Variants in NDUFAF6 observed in about 807,000 individuals in gnomAD.
The protein encoded by NDUFAF6 is NADH dehydrogenase (ubiquinone) complex I, assembly factor 6.
Under a neutral mutation model 40.8 loss-of-function variants are expected in NDUFAF6, and 45 were observed. The ratio of observed to expected loss-of-function variants is 1.10; its 90% confidence interval spans 0.87 to 1.42. The LOEUF is 1.42. Ranked by LOEUF, NDUFAF6 falls within the 40% of genes most tolerant of loss-of-function variation. The pLI is 0.00. For missense variants in NDUFAF6, 435 were observed against 418.5 expected, an observed-to-expected ratio of 1.04 and a Z score of -0.34; for synonymous variants, 185 against 155.9, an observed-to-expected ratio of 1.19 and a Z score of -1.39.
intron 2 of NDUFAF6, among the ~76,000 whole-genome samples, chr8:95,003,564 C>T (rs75555706): frequency 0.025 from 3,823 of 152,292 alleles, 180 homozygotes; most frequent in African/African-American, 0.084. Context: ...GGGCTGGTCA[C>T]AACAGAGACT....
intron 2 of NDUFAF6, among the ~76,000 whole-genome samples, chr8:95,089,052 G>A (rs117684233): frequency 0.14 from 21,863 of 151,708 alleles, 1,847 homozygotes; most frequent in Non-Finnish European, 0.2. Flanking sequence ...ATGAGCCACC[G>A]CGCCCAGCCT....
intron 2 of NDUFAF6, among the ~76,000 whole-genome samples, chr8:95,017,545 T>G (rs1333626058): frequency 6.6e-6 from 1 of 152,070 alleles, no homozygotes; most frequent in Non-Finnish European, 1.5e-5. Context: ...AAATGTATTT[T>G]GCCATAAATT....
intron 1 of NDUFAF6, among the ~76,000 whole-genome samples, chr8:94,917,202 A>G (rs1348127103): frequency 6.6e-6 from 1 of 152,102 alleles, no homozygotes; most frequent in Non-Finnish European, 1.5e-5. Flanking sequence ...AGAAGGTTCT[A>G]TAATAAAAAG....
In NDUFAF6 at chr8:95,024,994, C is replaced by G; in HGVS notation, c.-15C>G. 1 of 1,321,138 alleles carries G rather than the reference C, an allele frequency of 7.6e-7. No individual in the cohort carries two copies. Among genetic ancestry groups the G allele is most frequent in the Non-Finnish European group, 9.6e-7 (1 of 1,042,082 alleles). The allele number at this position is 1,321,138 out of a possible 1,614,324, so 81.8% of individuals were successfully genotyped here. A position where few individuals can be genotyped will look rare whatever the true frequency, so the allele number is the denominator to read the frequency against. Reference sequence around the variant, plus strand: ...GCCGACGGCGGGGGGTCGAAGGGCACGCAGTGCCGGCGTCATGGCGGCCTC... The same window carrying G: ...GCCGACGGCGGGGGGTCGAAGGGCAGGCAGTGCCGGCGTCATGGCGGCCTC... On this transcript the variant is annotated 5_prime_UTR_variant, in exon 1 of 9. Coordinates refer to ENST00000396124, the MANE Select transcript of NDUFAF6 (RefSeq NM_152416.4).
At chr8:94,939,766 T>G (rs1821341572) in intron 1 of NDUFAF6, 1 of 1,522,524 alleles carries the variant, frequency 6.6e-7, no homozygotes, top group South Asian at 1.3e-5. Context: ...CAAAATTAGT[T>G]TTGCATCTTC....
At chr8:94,904,690 G>T (rs1343902097) in intron 1 of NDUFAF6, among the ~76,000 whole-genome samples, 1 of 151,610 alleles carries the variant, frequency 6.6e-6, no homozygotes, top group African/African-American at 2.4e-5. Flanking sequence ...TTGTTTGTTT[G>T]TTTTTTGCAG....
At chr8:94,981,257 C>G (rs1315234138) in intron 2 of NDUFAF6, among the ~76,000 whole-genome samples, 2 of 152,182 alleles carry the variant, frequency 1.3e-5, no homozygotes, top group East Asian at 3.8e-4. Flanking sequence ...CGTTTGGTCT[C>G]TTTTGCTTGC....
intron 2 of NDUFAF6, among the ~76,000 whole-genome samples, chr8:95,087,070 C>A (rs1478423569): frequency 4.0e-5 from 6 of 151,072 alleles, no homozygotes; most frequent in Non-Finnish European, 1.5e-5. Flanking sequence ...TTTTCTTTTG[C>A]CTTTTTTTTT....
At chr8:94,901,405 A>G (rs1818008257) in intron 1 of NDUFAF6, among the ~76,000 whole-genome samples, 1 of 151,976 alleles carries the variant, frequency 6.6e-6, no homozygotes, top group African/African-American at 2.4e-5. Context: ...GGAGAAGCAC[A>G]CTCAGGATAT....
intron 1 of NDUFAF6, among the ~76,000 whole-genome samples, chr8:94,908,431 A>T (rs1414058018): frequency 6.6e-6 from 1 of 152,190 alleles, no homozygotes; most frequent in Non-Finnish European, 1.5e-5. Flanking sequence ...GTACAGTTGT[A>T]TGATCATAGC....
intron 1 of NDUFAF6, among the ~76,000 whole-genome samples, chr8:94,924,855 G>C (rs1482286626): frequency 6.6e-6 from 1 of 152,208 alleles, no homozygotes; most frequent in East Asian, 1.9e-4. Flanking sequence ...CAATTCTCCT[G>C]CCTCAGCCTC....
chr8:95,068,189 C>T (rs559199839), intron 9 of NDUFAF6: 2 of 151,988 alleles, frequency 1.3e-5, no homozygotes, highest in Admixed American at 6.5e-5. Context: ...CCTTGGATCG[C>T]AAAGTCCCTG....
intron 2 of NDUFAF6, among the ~76,000 whole-genome samples, chr8:95,088,738 GTT>G (rs1809142177): frequency 7.1e-4 from 25 of 35,326 alleles, no homozygotes; most frequent in Non-Finnish European, 2.7e-4. Context: ...TTTTCTTTTT[GTT>G]TTCTTGTTTT....
At chr8:94,988,333 C>T (rs368816323) in intron 2 of NDUFAF6, 2 of 152,334 alleles carry the variant, frequency 1.3e-5, no homozygotes, top group East Asian at 3.9e-4. Flanking sequence ...TAATCAAGAA[C>T]TTATTTTCCC....
At chr8:95,117,078 G>A (rs942306113), downstream of NDUFAF6, among the ~76,000 whole-genome samples, 1 of 152,192 alleles carries the variant, frequency 6.6e-6, no homozygotes, top group African/African-American at 2.4e-5. Context: ...AATGGGACTG[G>A]TGGCTGTATC....
At chr8:94,917,918 G>A (rs996853946) in intron 1 of NDUFAF6, among the ~76,000 whole-genome samples, 1 of 152,162 alleles carries the variant, frequency 6.6e-6, no homozygotes, top group Admixed American at 6.5e-5. Context: ...AATATTAGTG[G>A]AAGCCTCTTT....
At chr8:94,967,993 G>T (rs937851789) in intron 1 of NDUFAF6, among the ~76,000 whole-genome samples, 1 of 151,762 alleles carries the variant, frequency 6.6e-6, no homozygotes, top group Non-Finnish European at 1.5e-5. Flanking sequence ...AGGCCAACCA[G>T]GGGAGGATTC....
intron 2 of NDUFAF6, among the ~76,000 whole-genome samples, chr8:95,088,689 T>TTGTGTGTGTGTGTG (rs545260109): frequency 3.7e-4 from 53 of 142,372 alleles, no homozygotes; most frequent in African/African-American, 1.3e-3. Context: ...TTTTGGGGTT[T>TTGTGTGTGTGTGTG]TGTGTGTGTG....
At chr8:94,940,252 T>G in intron 1 of NDUFAF6, 1 of 1,564,546 alleles carries the variant, frequency 6.4e-7, no homozygotes, top group Non-Finnish European at 8.7e-7. Context: ...AGTCCACATG[T>G]GTTGTTGAAG....
Sources: gnomAD v4.1 joint callset for allele counts (sites outside exome capture counted in the v4.1 genomes callset) on GRCh38, gnomAD v4.1.1 for gene constraint, MANE v1.5 for transcripts, NCBI Gene and HGNC (gene_info 2026-07-23, HGNC 2026-07-21) for gene names.